The following ATP8A2 variants were observed in gnomAD, a reference collection of about 807,000 sequenced individuals.
The protein encoded by ATP8A2 is ATPase phospholipid transporting 8A2.
ATP8A2 carries 100 observed loss-of-function variants against 165.6 expected under a neutral mutation model. The observed-to-expected ratio is 0.60, with a 90% CI of 0.51 to 0.71. ATP8A2 has a LOEUF of 0.71. ATP8A2 is among the 30% of genes least tolerant of loss of function. The pLI is 0.00. For synonymous variants in ATP8A2, 543 were observed against 548.8 expected, an observed-to-expected ratio of 0.99 and a Z score of 0.15; for missense variants, 1,227 against 1,479.5, an observed-to-expected ratio of 0.83 and a Z score of 2.80.
chr13:25,499,255 G>C (rs1005124290), intron 2 of ATP8A2, among the ~76,000 whole-genome samples: 1 of 152,206 alleles, frequency 6.6e-6, no homozygotes, highest in African/African-American at 2.4e-5. Context: ...GTTACTCACA[G>C]AAACAAACCT....
At chr13:25,590,508 C>T (rs1323028310) in intron 24 of ATP8A2, among the ~76,000 whole-genome samples, 3 of 152,158 alleles carry the variant, frequency 2.0e-5, no homozygotes, top group Non-Finnish European at 4.4e-5. Context: ...CATGAACCCA[C>T]CCCATCATGG....
intron 24 of ATP8A2, among the ~76,000 whole-genome samples, chr13:25,634,399 G>A (rs1183426972): frequency 6.6e-6 from 1 of 152,180 alleles, no homozygotes; most frequent in East Asian, 1.9e-4. Context: ...TGCTGTAACT[G>A]CAGTAAGTCC....
intron 28 of ATP8A2, among the ~76,000 whole-genome samples, chr13:25,829,712 A>ATATC (rs1951415002): frequency 9.5e-6 from 1 of 105,806 alleles, no homozygotes; most frequent in African/African-American, 3.9e-5. Flanking sequence ...ATATATATAT[A>ATATC]TATATATATC....
At chr13:26,018,735 C>A (rs558293506) in intron 36 of ATP8A2, among the ~76,000 whole-genome samples, 1 of 152,228 alleles carries the variant, frequency 6.6e-6, no homozygotes, top group East Asian at 1.9e-4. Context: ...AGAGTGTGGA[C>A]CCTGGGTTTG....
chr13:26,004,021 A>G (rs1478687262), intron 35 of ATP8A2, among the ~76,000 whole-genome samples: 2 of 152,066 alleles, frequency 1.3e-5, no homozygotes, highest in Non-Finnish European at 2.9e-5. Flanking sequence ...GGTTCCATAT[A>G]ATCTTAAGGA....
At chr13:25,528,845 A>G (rs891294950) in intron 2 of ATP8A2, among the ~76,000 whole-genome samples, 1 of 81,744 alleles carries the variant, frequency 1.2e-5, no homozygotes, top group African/African-American at 3.7e-5. Flanking sequence ...ATGTGTATGC[A>G]CACATATGCA....
chr13:25,971,436 A>G (rs992230672), intron 35 of ATP8A2, among the ~76,000 whole-genome samples: 1 of 150,992 alleles, frequency 6.6e-6, no homozygotes, highest in African/African-American at 2.4e-5. Context: ...ATAGACCCCC[A>G]CCTCTTTGAG....
chr13:25,782,559 C>G (rs891292138), intron 27 of ATP8A2, among the ~76,000 whole-genome samples: 1 of 152,156 alleles, frequency 6.6e-6, no homozygotes, highest in Non-Finnish European at 1.5e-5. Flanking sequence ...AGGATACACC[C>G]TCCCCACCTT....
intron 27 of ATP8A2, among the ~76,000 whole-genome samples, chr13:25,819,649 G>T (rs908786207): frequency 6.9e-6 from 1 of 143,964 alleles, no homozygotes; most frequent in Non-Finnish European, 1.5e-5. Flanking sequence ...GAACTTCAGG[G>T]TTTTTTGTTT....
In ATP8A2 at chr13:25,971,312, A is replaced by T. The variant is rs557426346; in HGVS notation, c.3377+2633A>T. ...GCTTGGCCTCCTAAGCTGCCTCACA[A>T]TTGTTCTCTTACAACCTTTGTTTTC... On this transcript the variant is annotated intron_variant, in intron 35 of 36. Coordinates refer to ENST00000381655, the MANE Select transcript of ATP8A2 (RefSeq NM_016529.6). Among the ~76,000 whole-genome samples, 517 of 151,494 alleles carry T rather than the reference A, an allele frequency of 3.4e-3. 3 individuals carry two copies. The highest frequency in any genetic ancestry group is 0.012 in the African/African-American group (489 of 41,276).
intron 27 of ATP8A2, among the ~76,000 whole-genome samples, chr13:25,783,201 G>A (rs1276929327): frequency 1.3e-5 from 2 of 152,136 alleles, no homozygotes; most frequent in East Asian, 3.9e-4. Flanking sequence ...ACCTCTGCAT[G>A]CACAGGCCTG....
intron 2 of ATP8A2, among the ~76,000 whole-genome samples, chr13:25,520,989 T>C (rs2037654091): frequency 1.3e-5 from 2 of 152,202 alleles, no homozygotes. Flanking sequence ...ACCATCAGTG[T>C]ACAAGGGTTC....
intron 33 of ATP8A2, among the ~76,000 whole-genome samples, chr13:25,898,588 T>C (rs1463864287): frequency 6.6e-6 from 1 of 152,240 alleles, no homozygotes; most frequent in Non-Finnish European, 1.5e-5. Flanking sequence ...CAGAGGTTAT[T>C]GCTGTCTTTT....
chr13:25,811,515 ACTTCT>A (rs1950868717), intron 27 of ATP8A2, among the ~76,000 whole-genome samples: 3 of 152,072 alleles, frequency 2.0e-5, no homozygotes, highest in Admixed American at 6.6e-5. Context: ...CCCCGGTTGT[ACTTCT>A]CTTCTATTCA....
chr13:25,726,358 C>T (rs568536822), intron 25 of ATP8A2, among the ~76,000 whole-genome samples: 1 of 152,294 alleles, frequency 6.6e-6, no homozygotes, highest in South Asian at 2.1e-4. Flanking sequence ...ATGTTCGTTT[C>T]CTGTTGCCAC....
At chr13:25,572,466 C>T (rs1381966683) in intron 18 of ATP8A2, among the ~76,000 whole-genome samples, 1 of 152,126 alleles carries the variant, frequency 6.6e-6, no homozygotes, top group Non-Finnish European at 1.5e-5. Context: ...GAGGGATCCC[C>T]CCTGCAACTG....
At chr13:25,504,710 G>A (rs1307393731) in intron 2 of ATP8A2, among the ~76,000 whole-genome samples, 1 of 137,164 alleles carries the variant, frequency 7.3e-6, no homozygotes, top group Non-Finnish European at 1.5e-5. Context: ...ACTGCAGTCC[G>A]CAGTCCGGCC....
chr13:25,902,243 C>T (rs1953776030), intron 33 of ATP8A2, among the ~76,000 whole-genome samples: 1 of 152,188 alleles, frequency 6.6e-6, no homozygotes, highest in African/African-American at 2.4e-5. Flanking sequence ...ACATTGTCTA[C>T]TTCGGAGTGA....
chr13:25,388,826 G>A (rs115980169), intron 1 of ATP8A2, among the ~76,000 whole-genome samples: 5,668 of 152,306 alleles, frequency 0.037, 166 homozygotes, highest in South Asian at 0.12. Flanking sequence ...GCAATGGGCA[G>A]GAGGGGAAGT....
Sources: gnomAD v4.1 joint callset for allele counts (sites outside exome capture counted in the v4.1 genomes callset) on GRCh38, gnomAD v4.1.1 for gene constraint, MANE v1.5 for transcripts, NCBI Gene and HGNC (gene_info 2026-07-23, HGNC 2026-07-21) for gene names.